Variants in RHOF observed in about 807,000 individuals in gnomAD.
The protein encoded by RHOF is rho-related GTP-binding protein RhoF.
Under a neutral mutation model 22.2 loss-of-function variants are expected in RHOF, and 21 were observed. The observed-to-expected ratio is 0.95, with a 90% CI of 0.67 to 1.36. The LOEUF (loss-of-function observed/expected upper bound fraction) is 1.36, where lower values mean the gene tolerates loss of function less well. Ranked by LOEUF, RHOF falls within the 40% of genes most tolerant of loss-of-function variation. RHOF has a pLI of 0.00. For synonymous variants in RHOF, 135 were observed against 131.2 expected (o/e 1.03, Z -0.20); for missense variants, 285 against 293.7 (o/e 0.97, Z 0.22).
At chr12:121,789,480 T>C (rs1055449936) in intron 2 of RHOF, among the ~76,000 whole-genome samples, 1 of 151,224 alleles carries the variant, frequency 6.6e-6, no homozygotes, top group African/African-American at 2.4e-5. Flanking sequence ...CAGAGCAGAG[T>C]TGAGGAAAAA....
chr12:121,791,343 G>A (rs1390866988), intron 2 of RHOF, among the ~76,000 whole-genome samples: 1 of 152,156 alleles, frequency 6.6e-6, no homozygotes, highest in Non-Finnish European at 1.5e-5. Flanking sequence ...GCAGGCTGGT[G>A]GACATCATAT....
Position 121,779,194 on chromosome 12 carries a change from C to T in RHOF, c.*304G>A. Reference sequence around the variant, plus strand: ...ATAGACTTTTTCATTTCAAGCATAACTTGAGTCTGCACTGGGGAGACACTC... The same window carrying T: ...ATAGACTTTTTCATTTCAAGCATAATTTGAGTCTGCACTGGGGAGACACTC... On this transcript the variant is annotated 3_prime_UTR_variant, in exon 5 of 5. Transcript: ENST00000267205. The T allele has an allele frequency of 2.4e-6, 1 of 410,932 alleles. No individual in the cohort carries two copies. Among genetic ancestry groups the T allele is most frequent in the Non-Finnish European group, 4.5e-6 (1 of 221,372 alleles). The allele number at this position is 410,932 out of a possible 1,614,324, so 25.5% of individuals were successfully genotyped here.
At position 121,780,679 on chromosome 12, in the gene RHOF, T is replaced by A. The variant is rs1874417780; in HGVS notation, c.471+193A>T. ...GATGTGAACAGCGCCTGCCTCCGAG[T>A]CCTAAGGATTGGGAGTAGTCGTGTA... On this transcript the variant is annotated intron_variant, in intron 4 of 4. Coordinates refer to ENST00000267205, the MANE Select transcript of RHOF (RefSeq NM_019034.3). 4.7e-6 allele frequency: 3 copies of A among 640,236 alleles called. No individual in the cohort carries two copies. The African/African-American group carries it at 5.5e-5, about 12-fold the overall frequency. 39.7% of individuals were successfully genotyped at this position (640,236 alleles called of 1,614,324 possible).
chr12:121,786,545 C>T (rs546972437), intron 2 of RHOF, among the ~76,000 whole-genome samples: 1 of 152,196 alleles, frequency 6.6e-6, no homozygotes, highest in Non-Finnish European at 1.5e-5. Flanking sequence ...TTCCTGGGGC[C>T]TCTGCCCTTG....
Position 121,780,887 on chromosome 12 carries a change from G to A in RHOF, c.456C>T (p.Pro152=). 6.2e-7 allele frequency: 1 copy of A among 1,613,600 alleles called. No homozygotes were observed. The highest frequency in any genetic ancestry group is 8.5e-7 in the Non-Finnish European group (1 of 1,179,900). The change falls in exon 4 of 5, where the codon CCC becomes CCT. Residue 152 remains proline (P), a synonymous_variant. Coordinates refer to ENST00000267205, the MANE Select transcript of RHOF (RefSeq NM_019034.3). The part of the protein sequence containing the change: ...LRKLRAAQLE[P]ITYMQGLSAC... ...CCCGGCCCACCTGCATGTAGGTGATGGGCTCCAGCTGGGCGGCCCGGAGCT... is the reference window on the plus strand; with the variant it reads ...CCCGGCCCACCTGCATGTAGGTGATAGGCTCCAGCTGGGCGGCCCGGAGCT...
intron 4 of RHOF, chr12:121,780,224 ATGT>A (rs1319963443): frequency 3.2e-5 from 5 of 156,296 alleles, no homozygotes; most frequent in East Asian, 1.9e-4. Flanking sequence ...TGCCCGGCTA[ATGT>A]TGTATTTTTA....
intron 2 of RHOF, among the ~76,000 whole-genome samples, chr12:121,791,357 A>C (rs1486886844): frequency 1.3e-5 from 2 of 152,156 alleles, no homozygotes; most frequent in African/African-American, 2.4e-5. Flanking sequence ...ATCATATATT[A>C]ATCTGATTTA....
At chr12:121,782,012 G>T (rs1256614752) in intron 2 of RHOF, 3 of 152,044 alleles carry the variant, frequency 2.0e-5, no homozygotes, top group African/African-American at 7.3e-5. Context: ...ACAATTCTTT[G>T]TAACTTTTTG....
intron 4 of RHOF, 160 bp from the exon 5 acceptor site, chr12:121,779,822 G>A (rs1874382009): frequency 8.1e-6 from 6 of 740,656 alleles, no homozygotes; most frequent in Non-Finnish European, 1.3e-5. Context: ...CAGTGTGTGG[G>A]TGGAATGGAG....
At chr12:121,787,676 C>T (rs1050959689) in intron 2 of RHOF, among the ~76,000 whole-genome samples, 6 of 151,980 alleles carry the variant, frequency 3.9e-5, no homozygotes, top group South Asian at 2.1e-4. Flanking sequence ...CTGAGGCGGG[C>T]GGATCGCTTG....
At chr12:121,785,916 T>G (rs1029080434) in intron 2 of RHOF, among the ~76,000 whole-genome samples, 4 of 131,906 alleles carry the variant, frequency 3.0e-5, no homozygotes, top group African/African-American at 1.3e-4. Flanking sequence ...CAGCCTTTTC[T>G]TTTCTTTGTT....
chr12:121,779,311 C>T lies in RHOF; in HGVS notation c.*187G>A, dbSNP rs1486753250. The T allele has an allele frequency of 4.6e-6, 3 of 647,906 alleles. No individual in the cohort carries two copies. Among genetic ancestry groups the T allele is most frequent in the Admixed American group, 3.0e-5 (1 of 33,858 alleles). 40.1% of individuals were successfully genotyped at this position (647,906 alleles called of 1,614,324 possible). On this transcript the variant is annotated 3_prime_UTR_variant, in exon 5 of 5. Coordinates refer to ENST00000267205, the MANE Select transcript of RHOF (RefSeq NM_019034.3). ...CATCACCACCATGTCCCAGGGGCAG[C>T]CTGGAGGGGAGTTTGTGGTCAGAGC...
At chr12:121,786,791 C>G (rs1186973464) in intron 2 of RHOF, among the ~76,000 whole-genome samples, 1 of 152,212 alleles carries the variant, frequency 6.6e-6, no homozygotes, top group Non-Finnish European at 1.5e-5. Flanking sequence ...AATCCCAGCA[C>G]TTTTGGAGGC....
chr12:121,787,203 G>A (rs1260213197), intron 2 of RHOF, among the ~76,000 whole-genome samples: 2 of 152,176 alleles, frequency 1.3e-5, no homozygotes, highest in Non-Finnish European at 2.9e-5. Flanking sequence ...AGGAAGGAGT[G>A]GTTGAAGAGG....
intron 2 of RHOF, among the ~76,000 whole-genome samples, chr12:121,784,312 C>T (rs940234788): frequency 3.3e-5 from 5 of 151,682 alleles, no homozygotes; most frequent in South Asian, 4.1e-4. Flanking sequence ...TTTGGGAGGC[C>T]GAGGCAGGGG....
intron 2 of RHOF, among the ~76,000 whole-genome samples, chr12:121,785,452 G>A (rs570299275): frequency 2.0e-4 from 29 of 145,718 alleles, no homozygotes; most frequent in African/African-American, 7.1e-4. Context: ...TTGGAGACAG[G>A]GTCTTGCTCT....
chr12:121,790,729 C>T (rs1449586430), intron 2 of RHOF, among the ~76,000 whole-genome samples: 2 of 152,224 alleles, frequency 1.3e-5, no homozygotes, highest in Non-Finnish European at 2.9e-5. Context: ...TGCTTCTCTG[C>T]TGCTTGGAAG....
intron 2 of RHOF, among the ~76,000 whole-genome samples, chr12:121,785,920 C>CTTTG (rs35960823): frequency 0.22 from 30,367 of 140,692 alleles, 3,621 homozygotes; most frequent in African/African-American, 0.34. Flanking sequence ...CTTTTCTTTT[C>CTTTG]TTTGTTTGTT....
In RHOF at chr12:121,781,225, G is replaced by A. The variant is rs369573078; in HGVS notation, c.227-33C>T. On this transcript the variant is annotated intron_variant, in intron 2 of 4. Transcript: ENST00000267205. The stretch of plus-strand genomic sequence containing the variant: ...CACAGAGCAGCGGGGGTCAGGGGAC[G>A]TCCCCTCCCTGTCTGGACTCTGACG... The A allele has an allele frequency of 1.8e-5, 28 of 1,589,736 alleles. No individual in the cohort carries two copies. In the African/African-American group the frequency reaches 3.0e-4, roughly 17 times the overall value.
Sources: gnomAD v4.1 joint callset for allele counts (sites outside exome capture counted in the v4.1 genomes callset) on GRCh38, gnomAD v4.1.1 for gene constraint, MANE v1.5 for transcripts, NCBI Gene and HGNC (gene_info 2026-07-23, HGNC 2026-07-21) for gene names.